Variants in LRP3 observed in about 807,000 individuals in gnomAD.
The protein encoded by LRP3 is low-density lipoprotein receptor-related protein 3.
LRP3 carries 49 observed loss-of-function variants against 58.5 expected under a neutral mutation model. The ratio of observed to expected loss-of-function variants is 0.84; its 90% CI spans 0.67 to 1.06. The LOEUF (loss-of-function observed/expected upper bound fraction) is 1.06, where lower values mean the gene tolerates loss of function less well. Among genes scored for constraint, LRP3 ranks in the 50% least tolerant of loss-of-function variants. The pLI, the probability that LRP3 is intolerant of heterozygous loss-of-function variation, is 0.00. For missense variants in LRP3, 1,019 were observed against 1,134.2 expected (o/e 0.90, Z 1.46); for synonymous variants, 485 against 492.2 (o/e 0.99, Z 0.20).
At position 33,207,677 on chromosome 19, in the gene LRP3, C is replaced by G. The variant is rs1185028140; in HGVS notation, c.*102C>G. On this transcript the variant is annotated 3_prime_UTR_variant, in exon 7 of 7. Coordinates refer to ENST00000253193, the MANE Select transcript of LRP3 (RefSeq NM_002333.4). Reference sequence around the variant, plus strand: ...CGTCCTTTCTTATGGAGAGGCCCTCCGGGGACCCCAGCGGAGGGGCTGGCC... The same window carrying G: ...CGTCCTTTCTTATGGAGAGGCCCTCGGGGGACCCCAGCGGAGGGGCTGGCC... 6 of 959,464 alleles carry G rather than the reference C, an allele frequency of 6.3e-6. No individual in the cohort carries two copies. In the African/African-American group the frequency reaches 6.5e-5, roughly 10 times the overall value. The allele number at this position is 959,464 out of a possible 1,614,324, so 59.4% of individuals were successfully genotyped here.
At chr19:33,199,591 A>G (rs1351020689) in intron 2 of LRP3, among the ~76,000 whole-genome samples, 3 of 151,828 alleles carry the variant, frequency 2.0e-5, no homozygotes, top group African/African-American at 7.3e-5. Flanking sequence ...TGCACCCACC[A>G]TGGTCTCTGC....
rs1009487762 is a variant in LRP3 at position 33,206,804 on chromosome 19, G to A, written c.1725+71G>A. 3.4e-6 allele frequency: 5 copies of A among 1,451,004 alleles called. No individual in the cohort carries two copies. In the African/African-American group the frequency reaches 7.2e-5, roughly 21 times the overall value. 89.9% of individuals were successfully genotyped at this position (1,451,004 alleles called of 1,614,324 possible). On this transcript the variant is annotated intron_variant, in intron 6 of 6. Coordinates refer to ENST00000253193, the MANE Select transcript of LRP3 (RefSeq NM_002333.4). ...AGTGTGCGGAGGAGGCTGGTCCAGG[G>A]GTCACAGGAGCAGGAGGCAAGGCCT...
intron 2 of LRP3, among the ~76,000 whole-genome samples, chr19:33,200,160 G>A (rs1002054929): frequency 1.3e-5 from 2 of 152,232 alleles, no homozygotes; most frequent in Admixed American, 1.3e-4. Context: ...GCCTCACTGG[G>A]CCTTCCCTTC....
At chr19:33,204,386 C>G (rs1035773378) in intron 3 of LRP3, 14 of 551,312 alleles carry the variant, frequency 2.5e-5, no homozygotes, top group African/African-American at 9.4e-5. Flanking sequence ...CGCAGCAGAG[C>G]TGGAAATGAC....
chr19:33,201,523 C>G (rs1261719970), intron 2 of LRP3, among the ~76,000 whole-genome samples: 1 of 152,150 alleles, frequency 6.6e-6, no homozygotes, highest in African/African-American at 2.4e-5. Flanking sequence ...CCAGAGGGCT[C>G]TCCTTCCTTT....
At chr19:33,198,772 C>T (rs1011691585) in intron 2 of LRP3, among the ~76,000 whole-genome samples, 1 of 152,206 alleles carries the variant, frequency 6.6e-6, no homozygotes, top group Non-Finnish European at 1.5e-5. Flanking sequence ...ACGGGGAGGG[C>T]CTGGGCAGGG....
At position 33,205,787 on chromosome 19, in the gene LRP3, C is replaced by T. The variant is rs751926719; in HGVS notation, c.1017C>T (p.Ala339=). ...SNHRPVSLEA[A]QGRLTVAYHA... is the part of the protein sequence containing the mutation. The stretch of plus-strand genomic sequence containing the variant: ...ACCGGCCCGTGAGCCTGGAGGCCGC[C>T]CAGGGCCGCCTCACTGTGGCCTACC... Residue 339 remains alanine, a synonymous_variant, in exon 5 of 7, where the codon GCC becomes GCT. Transcript: ENST00000253193. 46 of 1,586,324 alleles carry T rather than the reference C, an allele frequency of 2.9e-5. 1 individual carries two copies. In the South Asian group the frequency reaches 4.9e-4, roughly 17 times the overall value.
chr19:33,201,706 T>G (rs1974343441), intron 2 of LRP3, among the ~76,000 whole-genome samples: 1 of 152,072 alleles, frequency 6.6e-6, no homozygotes, highest in African/African-American at 2.4e-5. Flanking sequence ...TGCCTTCATC[T>G]CAGGCTGTTG....
Position 33,204,728 on chromosome 19 carries a change from C to T in LRP3, c.351C>T (p.Phe117=). ...CAGCCCCACCCCGCCAGGAGGCCTT[C>T]CGCCTCTGTGGCTCCGCCATCCCAC... ...GPAAPPRQEA[F]RLCGSAIPPA... Residue 117 remains phenylalanine, a synonymous_variant, in exon 4 of 7, where the codon TTC becomes TTT. Coordinates refer to ENST00000253193, the MANE Select transcript of LRP3 (RefSeq NM_002333.4). 6.2e-7 allele frequency: 1 copy of T among 1,611,648 alleles called. No individual in the cohort carries two copies. The highest frequency in any genetic ancestry group is 8.5e-7 in the Non-Finnish European group (1 of 1,179,926).
Position 33,205,286 on chromosome 19 carries a change from C to T in LRP3, c.516C>T (p.Arg172=). Residue 172 remains arginine (R), a synonymous_variant, in exon 5 of 7, where the codon CGC becomes CGT. Coordinates refer to ENST00000253193, the MANE Select transcript of LRP3 (RefSeq NM_002333.4). ...GQASCQADEF[R]CDNGKCLPGP... ...CATCCTGCCAGGCAGATGAGTTCCG[C>T]TGTGACAACGGCAAGTGCCTGCCCG... is the stretch of plus-strand genomic sequence containing the variant. The T allele has an allele frequency of 6.2e-7, 1 of 1,610,802 alleles. No individual in the cohort carries two copies.
At position 33,207,551 on chromosome 19, in the gene LRP3, T is replaced by C. The variant is rs780541075; in HGVS notation, c.2289T>C (p.Asp763=). The C allele has an allele frequency of 6.2e-7, 1 of 1,604,686 alleles. No homozygotes were observed. Among genetic ancestry groups the C allele is most frequent in the Non-Finnish European group, 8.5e-7 (1 of 1,179,502 alleles). ...GCTCCCCAATGCTGGAGGCCAGCGA[T>C]GATGAGGCCCTGTTGGTCTGTTGAC... ...PPCSPMLEAS[D]DEALLVC is the part of the protein sequence containing the mutation. The change falls in exon 7 of 7, where the codon GAT becomes GAC. Residue 763 remains aspartate, a synonymous_variant. Coordinates refer to ENST00000253193, the MANE Select transcript of LRP3 (RefSeq NM_002333.4).
chr19:33,207,159 A>G lies in LRP3; in HGVS notation c.1897A>G (p.Thr633Ala). 6.5e-7 allele frequency: 1 copy of G among 1,537,674 alleles called. No homozygotes were observed. Among genetic ancestry groups the G allele is most frequent in the South Asian group, 1.2e-5 (1 of 83,572 alleles). The part of the protein sequence containing the change: ...PLLTAARPSQ[T>A]VLGDGFLQPA... ...GCTGACCGCAGCACGCCCCTCACAG[A>G]CCGTGCTGGGCGATGGCTTCCTCCA... The change falls in exon 7 of 7, where the codon ACC (threonine) becomes GCC (alanine). Residue 633 changes from threonine to alanine, a missense_variant. Around this residue, in one of 2 missense-constraint regions of LRP3, gnomAD observed 427 missense variants for 408.6 expected, o/e 1.04. Coordinates refer to ENST00000253193, the MANE Select transcript of LRP3 (RefSeq NM_002333.4).
Position 33,206,690 on chromosome 19 carries a change from T to C in LRP3, c.1682T>C (p.Leu561Pro), listed in dbSNP as rs775673269. 6.4e-7 allele frequency: 1 copy of C among 1,551,860 alleles called. No individual in the cohort carries two copies. Residue 561 changes from leucine to proline, a missense_variant, in exon 6 of 7, where the codon CTC becomes CCC. Physicochemically the swap from Leu to Pro is moderately conservative, Grantham distance 98. This residue lies in a region of LRP3 where 427 missense variants were observed against 408.6 expected (regional missense o/e 1.04). Transcript: ENST00000253193. ...PSYGQLIAQGLIPPVEDFPVY... is the reference protein window; with the variant it reads ...PSYGQLIAQGPIPPVEDFPVY... ...TATGGTCAGCTCATCGCCCAGGGCCTCATTCCACCCGTGGAGGACTTTCCT... is the reference window on the plus strand; with the variant it reads ...TATGGTCAGCTCATCGCCCAGGGCCCCATTCCACCCGTGGAGGACTTTCCT...
At position 33,207,090 on chromosome 19, in the gene LRP3, C is replaced by T. The variant is rs560596158; in HGVS notation, c.1828C>T (p.Arg610Trp). The T allele has an allele frequency of 1.7e-5, 26 of 1,524,104 alleles. 1 individual carries two copies. Among genetic ancestry groups the T allele is most frequent in the Admixed American group, 8.7e-5 (4 of 46,224 alleles). 94.4% of individuals were successfully genotyped at this position (1,524,104 alleles called of 1,614,324 possible). A position where few individuals can be genotyped will look rare whatever the true frequency, so the allele number is the denominator to read the frequency against. ...CCGCCGCCTCGGCCGCCTCTGGAAC[C>T]GGCTCTTTCACCGGCCGCGGGCGCC... The part of the protein sequence containing the change: ...SRRRLGRLWN[R>W]LFHRPRAPRG... Residue 610 changes from arginine to tryptophan, a missense_variant, in exon 7 of 7, where the codon CGG becomes TGG. Arg to Trp is a moderately radical substitution (Grantham distance 101, BLOSUM62 -3). Coordinates refer to ENST00000253193, the MANE Select transcript of LRP3 (RefSeq NM_002333.4).
In LRP3 at chr19:33,206,987, G is replaced by T. The variant is rs1333511134; in HGVS notation, c.1726-1G>T. Reference sequence around the variant, plus strand: ...CGCCCCTACCCTGCTCCACCCCACAGGCCTCTGTGCTGCAGAATCTTCGCA... The same window carrying T: ...CGCCCCTACCCTGCTCCACCCCACATGCCTCTGTGCTGCAGAATCTTCGCA... On this transcript the variant is annotated splice_acceptor_variant, in intron 6 of 6. Coordinates refer to ENST00000253193, the MANE Select transcript of LRP3 (RefSeq NM_002333.4). LOFTEE classifies it high-confidence loss of function. 6.8e-7 allele frequency: 1 copy of T among 1,470,534 alleles called. No homozygotes were observed. The highest frequency in any genetic ancestry group is 2.6e-5 in the Admixed American group (1 of 38,834). 91.1% of individuals were successfully genotyped at this position (1,470,534 alleles called of 1,614,324 possible).
Position 33,207,177 on chromosome 19 carries a change from T to G in LRP3, c.1915T>G (p.Phe639Val). 1.9e-6 allele frequency: 3 copies of G among 1,548,724 alleles called. No individual in the cohort carries two copies. Among genetic ancestry groups the G allele is most frequent in the African/African-American group, 1.4e-5 (1 of 73,806 alleles). The change falls in exon 7 of 7, where the codon TTC becomes GTC. Residue 639 changes from phenylalanine to valine, a missense_variant. Phe to Val is a conservative substitution (Grantham distance 50). This residue lies in a region of LRP3 where 427 missense variants were observed against 408.6 expected (regional missense o/e 1.04). Transcript: ENST00000253193. ...RPSQTVLGDGFLQPAPGAAPD... is the reference protein window; with the variant it reads ...RPSQTVLGDGVLQPAPGAAPD... ...CTCACAGACCGTGCTGGGCGATGGC[T>G]TCCTCCAGCCTGCTCCAGGGGCTGC...
At chr19:33,203,106 A>C (rs892108928) in intron 3 of LRP3, 120 bp downstream of exon 3, 1 of 1,260,468 alleles carries the variant, frequency 7.9e-7, no homozygotes, top group Non-Finnish European at 1.1e-6. Flanking sequence ...CATGTGTGTG[A>C]GCAGGTGTGG....
At chr19:33,202,825 T>G (rs1974354740) in intron 2 of LRP3, 23 bp from the exon 3 acceptor site, 1 of 1,591,190 alleles carries the variant, frequency 6.3e-7, no homozygotes, top group East Asian at 2.3e-5. Context: ...GGGCCGGCCT[T>G]TCTCGGCCTC....
chr19:33,195,179 G>C (rs1974273418), intron 1 of LRP3, among the ~76,000 whole-genome samples: 1 of 152,192 alleles, frequency 6.6e-6, no homozygotes, highest in African/African-American at 2.4e-5. Context: ...AGGGGGCCCC[G>C]GGAGCTGGGG....
Sources: gnomAD v4.1 joint callset for allele counts (sites outside exome capture counted in the v4.1 genomes callset) on GRCh38, gnomAD v4.1.1 for gene constraint, gnomAD v4.1.1 regional missense constraint, MANE v1.5 for transcripts, NCBI Gene and HGNC (gene_info 2026-07-23, HGNC 2026-07-21) for gene names.